The following PICALM variants were observed in gnomAD, a reference collection of about 807,000 sequenced individuals.
The protein encoded by PICALM is phosphatidylinositol-binding clathrin assembly protein.
In PICALM, 40 loss-of-function variants were observed where a neutral mutation model predicts 80.5. That is an observed-to-expected ratio of 0.50 (90% confidence interval 0.39 to 0.65). The LOEUF is 0.65. PICALM is among the 30% of genes least tolerant of loss of function. PICALM has a pLI of 0.00. For synonymous variants in PICALM, 288 were observed against 260.3 expected (o/e 1.11, Z -1.02); for missense variants, 676 against 778.9 (o/e 0.87, Z 1.57).
At chr11:86,010,329 CT>C (rs377755641) in intron 7 of PICALM, among the ~76,000 whole-genome samples, 22,875 of 140,700 alleles carry the variant, frequency 0.16, 2,050 homozygotes, top group Middle Eastern at 0.26. Flanking sequence ...GGAACAAAAG[CT>C]TTTTTTTTTT....
At chr11:86,041,093 C>T (rs567837147) in intron 1 of PICALM, among the ~76,000 whole-genome samples, 117 of 152,304 alleles carry the variant, frequency 7.7e-4, no homozygotes, top group Middle Eastern at 3.4e-3. Flanking sequence ...TTTCACACTT[C>T]ATTACAATTA....
In PICALM at chr11:86,012,225, T is replaced by C. The variant is rs149406961; in HGVS notation, c.658+56A>G. On this transcript the variant is annotated intron_variant, in intron 6 of 19. Coordinates refer to ENST00000393346, the MANE Select transcript of PICALM (RefSeq NM_007166.4). ...GCTTTAAGTAACAACTCAGTCAATA[T>C]TGTTTATCCATATGACACAAGATAA... The C allele has an allele frequency of 2.5e-3, 2,259 of 913,920 alleles. 63 individuals carry two copies. The East Asian group carries it at 0.05, about 20-fold the overall frequency. The allele number at this position is 913,920 out of a possible 1,614,324, so 56.6% of individuals were successfully genotyped here.
chr11:85,984,829 A>C (rs2094532050), intron 13 of PICALM, among the ~76,000 whole-genome samples: 2 of 152,196 alleles, frequency 1.3e-5, no homozygotes, highest in Non-Finnish European at 2.9e-5. Context: ...GGTTATATTT[A>C]AGTAAGGTTC....
At chr11:86,017,766 AAG>A (rs1234408978) in intron 4 of PICALM, among the ~76,000 whole-genome samples, 1 of 152,212 alleles carries the variant, frequency 6.6e-6, no homozygotes, top group East Asian at 1.9e-4. Context: ...CACCATGTGA[AAG>A]AAGTTTAGCA....
At chr11:86,050,616 A>G (rs1159322302) in intron 1 of PICALM, among the ~76,000 whole-genome samples, 1 of 152,222 alleles carries the variant, frequency 6.6e-6, no homozygotes, top group Non-Finnish European at 1.5e-5. Flanking sequence ...CTGAAGAATT[A>G]AAATGAAGAG....
At chr11:85,991,775 A>T (rs146890137) in intron 12 of PICALM, among the ~76,000 whole-genome samples, 108 of 152,312 alleles carry the variant, frequency 7.1e-4, no homozygotes, top group African/African-American at 2.6e-3. Context: ...GGGAAAAAAG[A>T]ATCAGAAAAC....
chr11:86,005,760 C>A (rs1435546237), intron 8 of PICALM, among the ~76,000 whole-genome samples: 1 of 149,098 alleles, frequency 6.7e-6, no homozygotes, highest in African/African-American at 2.5e-5. Flanking sequence ...TGCTTTACAC[C>A]TTAAAAGAAA....
intron 3 of PICALM, among the ~76,000 whole-genome samples, chr11:86,024,439 T>G (rs1436705113): frequency 1.5e-5 from 2 of 129,764 alleles, no homozygotes; most frequent in Non-Finnish European, 3.4e-5. Flanking sequence ...AAAATTCCCC[T>G]GATCTTTTTT....
intron 1 of PICALM, among the ~76,000 whole-genome samples, chr11:86,059,804 T>C (rs2096328949): frequency 6.6e-6 from 1 of 151,688 alleles, no homozygotes; most frequent in South Asian, 2.1e-4. Flanking sequence ...GGTTTGGTAG[T>C]CAAGAACTTT....
Position 86,001,108 on chromosome 11 carries a change from G to A in PICALM, c.944C>T (p.Ser315Phe). ...TTCCCTTTCATCCACTTTGGTCAGA[G>A]ATAGACCAGTGCTTGCCAGGGAAGA... ...AVSSLASTGL[S>F]LTKVDEREKQ... The change falls in exon 10 of 20, where the codon TCT (serine) becomes TTT (phenylalanine). Residue 315 changes from serine (S) to phenylalanine (F), a missense_variant. Around this residue, in one of 2 missense-constraint regions of PICALM, gnomAD observed 285 missense variants for 395.4 expected, o/e 0.72. Coordinates refer to ENST00000393346, the MANE Select transcript of PICALM (RefSeq NM_007166.4). 1 of 1,613,912 alleles carries A rather than the reference G, an allele frequency of 6.2e-7. No homozygotes were observed. Among genetic ancestry groups the A allele is most frequent in the Middle Eastern group, 1.6e-4 (1 of 6,062 alleles).
chr11:86,038,974 G>A (rs931636343), intron 1 of PICALM, among the ~76,000 whole-genome samples: 3 of 151,968 alleles, frequency 2.0e-5, no homozygotes, highest in Non-Finnish European at 4.4e-5. Context: ...GCTGGACGTG[G>A]TGACAACACG....
intron 4 of PICALM, among the ~76,000 whole-genome samples, chr11:86,018,141 T>TA: frequency 6.6e-6 from 1 of 152,266 alleles, no homozygotes; most frequent in South Asian, 2.1e-4. Context: ...TTCATCTGAC[T>TA]AAAAAAGCTT....
chr11:86,062,549 G>T (rs949744698), intron 1 of PICALM, among the ~76,000 whole-genome samples: 5 of 151,856 alleles, frequency 3.3e-5, no homozygotes, highest in Non-Finnish European at 7.4e-5. Flanking sequence ...GTAAACCATG[G>T]ACTTTGGGTG....
chr11:86,011,443 A>T (rs1420686792), intron 6 of PICALM, among the ~76,000 whole-genome samples: 1 of 152,266 alleles, frequency 6.6e-6, no homozygotes, highest in Non-Finnish European at 1.5e-5. Context: ...CATTTAAAAC[A>T]GCACTAACAT....
intron 19 of PICALM, 23 bp downstream of exon 19, chr11:85,974,685 C>T: frequency 1.4e-6 from 2 of 1,396,424 alleles, no homozygotes; most frequent in Non-Finnish European, 2.0e-6. Context: ...CACATTACCA[C>T]AGTTACATGT....
chr11:86,000,638 C>T lies in PICALM; in HGVS notation c.1154+5G>A. 2 of 1,610,358 alleles carry T rather than the reference C, an allele frequency of 1.2e-6. No individual in the cohort carries two copies. Among genetic ancestry groups the T allele is most frequent in the Non-Finnish European group, 1.7e-6 (2 of 1,178,956 alleles). On this transcript the variant is annotated splice_donor_5th_base_variant and intron_variant, in intron 11 of 19. Transcript: ENST00000393346. ...TTCAAAGGTAACCTTAACTTCTACT[C>T]CTACCTGTTAGAAGAACTAGGGGTA...
intron 17 of PICALM, chr11:85,978,290 T>C: frequency 2.1e-6 from 1 of 481,710 alleles, no homozygotes; most frequent in South Asian, 2.9e-5. Flanking sequence ...GGAATTGTAG[T>C]CTTTGGCCTC....
At chr11:86,026,458 C>CTAT in intron 2 of PICALM, 91 bp from the exon 3 acceptor site, 1 of 719,858 alleles carries the variant, frequency 1.4e-6, no homozygotes. Flanking sequence ...TTAACACATT[C>CTAT]TATTAAGCTT....
intron 12 of PICALM, among the ~76,000 whole-genome samples, chr11:85,996,150 T>A (rs1273928428): frequency 6.6e-6 from 1 of 152,028 alleles, no homozygotes; most frequent in Non-Finnish European, 1.5e-5. Context: ...TTCAAATCAT[T>A]AAAATAAAAT....
Sources: gnomAD v4.1 joint callset for allele counts (sites outside exome capture counted in the v4.1 genomes callset) on GRCh38, gnomAD v4.1.1 for gene constraint, gnomAD v4.1.1 regional missense constraint, MANE v1.5 for transcripts, NCBI Gene and HGNC (gene_info 2026-07-23, HGNC 2026-07-21) for gene names.